Variants in LIMA1 observed in about 807,000 individuals in gnomAD.
The protein encoded by LIMA1 is LIM domain and actin-binding protein 1.
In LIMA1, 52 loss-of-function variants were observed where a neutral mutation model predicts 62.6. The ratio of observed to expected loss-of-function variants is 0.83; its 90% CI spans 0.67 to 1.05. The LOEUF is 1.05. Among genes scored for constraint, LIMA1 ranks in the 50% least tolerant of loss-of-function variants. The pLI, the probability that LIMA1 is intolerant of heterozygous loss-of-function variation, is 0.00. For synonymous variants in LIMA1, 302 were observed against 317.8 expected (o/e 0.95, Z 0.53); for missense variants, 780 against 902.2 (o/e 0.86, Z 1.74).
At chr12:50,204,386 G>A in intron 6 of LIMA1, 166 bp downstream of exon 6, 1 of 737,252 alleles carries the variant, frequency 1.4e-6, no homozygotes, top group Non-Finnish European at 2.0e-6. Context: ...ATTAGACCAT[G>A]GTAAGAACTG....
intron 2 of LIMA1, among the ~76,000 whole-genome samples, chr12:50,232,220 C>T (rs1012208383): frequency 6.6e-6 from 1 of 151,378 alleles, no homozygotes; most frequent in Non-Finnish European, 1.5e-5. Flanking sequence ...CACCACCACA[C>T]CTGGCTTAAT....
intron 2 of LIMA1, among the ~76,000 whole-genome samples, chr12:50,235,863 G>C (rs953585133): frequency 3.3e-5 from 5 of 152,082 alleles, no homozygotes; most frequent in Non-Finnish European, 5.9e-5. Context: ...TAAAAAGGCA[G>C]ATATAAACAT....
intron 1 of LIMA1, among the ~76,000 whole-genome samples, chr12:50,270,104 C>T (rs1219974071): frequency 1.3e-5 from 2 of 150,556 alleles, no homozygotes; most frequent in African/African-American, 2.4e-5. Flanking sequence ...TGTGGTAGCA[C>T]GTGCCTGTAA....
At chr12:50,264,944 G>T (rs1417932222) in intron 1 of LIMA1, among the ~76,000 whole-genome samples, 1 of 152,100 alleles carries the variant, frequency 6.6e-6, no homozygotes, top group Non-Finnish European at 1.5e-5. Context: ...CTTGAGTCCA[G>T]AGTTCAAGAT....
rs571694937 is a variant in LIMA1 at position 50,272,314 on chromosome 12, G to A, written c.-24+11106C>T. ...TTTCTTTAAAAGAGAAGCTGGCCGGGCACGGTGGCTCATTCCTATAATCCC... is the reference window on the plus strand; with the variant it reads ...TTTCTTTAAAAGAGAAGCTGGCCGGACACGGTGGCTCATTCCTATAATCCC... On this transcript the variant is annotated intron_variant, in intron 1 of 10. Coordinates refer to ENST00000341247, the MANE Select transcript of LIMA1 (RefSeq NM_016357.5). 3.3e-5 allele frequency among the ~76,000 whole-genome samples: 5 copies of A among 152,212 alleles called. No homozygotes were observed. The South Asian group carries it at 6.2e-4, about 19-fold the overall frequency.
chr12:50,240,522 G>T (rs1941762454), intron 2 of LIMA1, among the ~76,000 whole-genome samples: 1 of 152,154 alleles, frequency 6.6e-6, no homozygotes, highest in Non-Finnish European at 1.5e-5. Flanking sequence ...TTTCGAGAAA[G>T]AATCAGTAGG....
chr12:50,217,834 G>C (rs12424713), intron 4 of LIMA1: 3 of 233,732 alleles, frequency 1.3e-5, no homozygotes, highest in Admixed American at 4.7e-5. Flanking sequence ...CATCTAGGAC[G>C]CTCACTTCAG....
intron 1 of LIMA1, among the ~76,000 whole-genome samples, chr12:50,251,280 C>A (rs943821058): frequency 6.6e-6 from 1 of 152,094 alleles, no homozygotes; most frequent in African/African-American, 2.4e-5. Context: ...ACTGTCAGTT[C>A]TTCCATAAAG....
intron 7 of LIMA1, among the ~76,000 whole-genome samples, chr12:50,198,074 T>C (rs1940968159): frequency 6.6e-6 from 1 of 152,252 alleles, no homozygotes; most frequent in Non-Finnish European, 1.5e-5. Context: ...GTGATGTTTT[T>C]ATAAAATAAA....
At chr12:50,251,323 A>G (rs35326458) in intron 1 of LIMA1, among the ~76,000 whole-genome samples, 2 of 152,124 alleles carry the variant, frequency 1.3e-5, no homozygotes, top group Non-Finnish European at 2.9e-5. Flanking sequence ...AAAAATATAT[A>G]CAAGATACAT....
At chr12:50,274,174 C>T (rs1295350564) in intron 1 of LIMA1, among the ~76,000 whole-genome samples, 3 of 152,140 alleles carry the variant, frequency 2.0e-5, no homozygotes, top group African/African-American at 7.2e-5. Context: ...CAAAACAAAA[C>T]AAGACTTGTC....
At chr12:50,265,284 G>T (rs1942125130) in intron 1 of LIMA1, among the ~76,000 whole-genome samples, 1 of 152,162 alleles carries the variant, frequency 6.6e-6, no homozygotes, top group African/African-American at 2.4e-5. Context: ...ACTTTGGGAG[G>T]CCAAGGTGGG....
At chr12:50,263,785 CTGTG>C (rs3073660) in intron 1 of LIMA1, among the ~76,000 whole-genome samples, 1,471 of 130,976 alleles carry the variant, frequency 0.011, 8 homozygotes, top group Non-Finnish European at 0.018. Flanking sequence ...TTCCATTCCT[CTGTG>C]TGTGTGTGTG....
At chr12:50,278,641 A>T (rs1565867602) in intron 1 of LIMA1, among the ~76,000 whole-genome samples, 1 of 152,266 alleles carries the variant, frequency 6.6e-6, no homozygotes, top group Non-Finnish European at 1.5e-5. Context: ...AGATTTATGC[A>T]TAAATTTGTT....
intron 1 of LIMA1, among the ~76,000 whole-genome samples, chr12:50,275,244 G>C (rs1056376950): frequency 1.3e-5 from 2 of 152,002 alleles, no homozygotes; most frequent in African/African-American, 4.8e-5. Flanking sequence ...GCGCGTGCCT[G>C]TAGTCCCAGC....
chr12:50,179,673 G>A (rs1243976143), intron 10 of LIMA1, among the ~76,000 whole-genome samples: 6 of 149,810 alleles, frequency 4.0e-5, no homozygotes, highest in South Asian at 4.2e-4. Flanking sequence ...TCCTGACCTC[G>A]TGATCTGCCC....
chr12:50,199,318 G>A (rs553271851), intron 7 of LIMA1, among the ~76,000 whole-genome samples: 115 of 152,214 alleles, frequency 7.6e-4, no homozygotes, highest in African/African-American at 2.3e-3. Flanking sequence ...GTGACAGAGC[G>A]AGACTCCATC....
intron 3 of LIMA1, among the ~76,000 whole-genome samples, chr12:50,231,398 T>A (rs1383072171): frequency 6.6e-6 from 1 of 152,196 alleles, no homozygotes; most frequent in African/African-American, 2.4e-5. Flanking sequence ...TAGAAGCCAT[T>A]TTACTAACCT....
At chr12:50,214,051 C>CACACACACACACACACAT (rs55904917) in intron 4 of LIMA1, among the ~76,000 whole-genome samples, 35,367 of 149,630 alleles carry the variant, frequency 0.24, 4,425 homozygotes, top group South Asian at 0.34. Context: ...CACACACACA[C>CACACACACACACACACAT]GAGATTACTC....
Sources: gnomAD v4.1 joint callset for allele counts (sites outside exome capture counted in the v4.1 genomes callset) on GRCh38, gnomAD v4.1.1 for gene constraint, MANE v1.5 for transcripts, NCBI Gene and HGNC (gene_info 2026-07-23, HGNC 2026-07-21) for gene names.